The following ADAM19 variants were observed in gnomAD, a reference collection of about 807,000 sequenced individuals.
The protein encoded by ADAM19 is ADAM metallopeptidase domain 19.
Under a neutral mutation model 114.7 loss-of-function variants are expected in ADAM19, and 65 were observed. The ratio of observed to expected loss-of-function variants is 0.57; its 90% CI spans 0.46 to 0.70. The LOEUF is 0.70. Among genes scored for constraint, ADAM19 ranks in the 30% least tolerant of loss-of-function variants. The pLI, the probability that ADAM19 is intolerant of heterozygous loss-of-function variation, is 0.00. For missense variants in ADAM19, 1,063 were observed against 1,204.7 expected (o/e 0.88, Z 1.74); for synonymous variants, 466 against 460.5 (o/e 1.01, Z -0.15).
At chr5:157,563,286 G>A (rs1026326324) in intron 3 of ADAM19, among the ~76,000 whole-genome samples, 1 of 152,178 alleles carries the variant, frequency 6.6e-6, no homozygotes, top group Admixed American at 6.5e-5. Flanking sequence ...CCATGTCCTG[G>A]AGGCAGAGGA....
At chr5:157,515,010 A>G (rs1052389988) in intron 7 of ADAM19, among the ~76,000 whole-genome samples, 2 of 152,192 alleles carry the variant, frequency 1.3e-5, no homozygotes, top group East Asian at 3.8e-4. Context: ...AAGTAAAACA[A>G]CCTGGGGTAT....
intron 9 of ADAM19, among the ~76,000 whole-genome samples, chr5:157,508,154 T>C (rs1755804894): frequency 6.6e-6 from 1 of 152,228 alleles, no homozygotes; most frequent in African/African-American, 2.4e-5. Flanking sequence ...TGTTCCAAAG[T>C]TCAGGCCAAA....
In ADAM19 at chr5:157,479,939, C is replaced by T. The variant is rs1212590159; in HGVS notation, c.*1010G>A. 1.8e-5 allele frequency: 18 copies of T among 985,754 alleles called. No homozygotes were observed. Among genetic ancestry groups the T allele is most frequent in the Non-Finnish European group, 2.2e-5 (18 of 829,990 alleles). The allele number at this position is 985,754 out of a possible 1,614,324, so 61.1% of individuals were successfully genotyped here. A position where few individuals can be genotyped will look rare whatever the true frequency, so the allele number is the denominator to read the frequency against. ...CCCACCCTGCTGAGGTCACAAAACA[C>T]AATGAAAAATAAACATATGACCCCA... On this transcript the variant is annotated 3_prime_UTR_variant, in exon 23 of 23. Coordinates refer to ENST00000257527, the MANE Select transcript of ADAM19 (RefSeq NM_033274.5).
At chr5:157,515,480 C>T (rs2113734698) in intron 7 of ADAM19, among the ~76,000 whole-genome samples, 1 of 152,328 alleles carries the variant, frequency 6.6e-6, no homozygotes, top group East Asian at 1.9e-4. Context: ...GCCCCATAGT[C>T]TCTGCTACAA....
At chr5:157,513,571 T>C (rs1755998713) in intron 7 of ADAM19, 66 bp from the exon 8 acceptor site, 7 of 1,415,594 alleles carry the variant, frequency 4.9e-6, no homozygotes, top group Non-Finnish European at 7.0e-6. Flanking sequence ...CTGCGCCCCA[T>C]TACTTGTCTT....
At chr5:157,515,830 CTT>C (rs1399793675) in intron 7 of ADAM19, among the ~76,000 whole-genome samples, 2 of 152,166 alleles carry the variant, frequency 1.3e-5, no homozygotes, top group Non-Finnish European at 2.9e-5. Flanking sequence ...CCACCTTACT[CTT>C]TATCCCCACC....
At chr5:157,547,502 C>T (rs1424910598) in intron 3 of ADAM19, among the ~76,000 whole-genome samples, 1 of 152,180 alleles carries the variant, frequency 6.6e-6, no homozygotes, top group Non-Finnish European at 1.5e-5. Flanking sequence ...CTATCTTGCC[C>T]TTCTCCCTTT....
chr5:157,502,921 T>A lies in ADAM19; in HGVS notation c.1190A>T (p.Gln397Leu). Residue 397 changes from glutamine to leucine, a missense_variant, in exon 12 of 23, where the codon CAG (glutamine) becomes CTG (leucine). Gln to Leu is a moderately radical substitution (Grantham distance 113, BLOSUM62 -2). Coordinates refer to ENST00000257527, the MANE Select transcript of ADAM19 (RefSeq NM_033274.5). ...CNRRELDRYLQSGGGMCLSNM... is the reference protein window; with the variant it reads ...CNRRELDRYLLSGGGMCLSNM... ...GGAGAGACACATTCCACCACCTGAC[T>A]GCAGATACCTGTCCAGCTCCCTCCT... 6.2e-7 allele frequency: 1 copy of A among 1,614,174 alleles called. No homozygotes were observed. Among genetic ancestry groups the A allele is most frequent in the Non-Finnish European group, 8.5e-7 (1 of 1,180,032 alleles).
intron 5 of ADAM19, among the ~76,000 whole-genome samples, chr5:157,523,529 C>A (rs1276519163): frequency 2.0e-5 from 3 of 152,056 alleles, no homozygotes; most frequent in African/African-American, 7.2e-5. Flanking sequence ...AAGAGCCTGG[C>A]ACCTCCTCCC....
At position 157,552,090 on chromosome 5, in the gene ADAM19, G is replaced by T. The variant is rs185669638; in HGVS notation, c.251+12283C>A. 3.8e-3 allele frequency among the ~76,000 whole-genome samples: 586 copies of T among 152,298 alleles called. 7 individuals are homozygous for T. The highest frequency in any genetic ancestry group is 0.013 in the African/African-American group (545 of 41,568). ...CGCTTGAACCCAGAAGGCGGAGGTTGCAGTGAGCCAAGATCGCACCACTGC... is the reference window on the plus strand; with the variant it reads ...CGCTTGAACCCAGAAGGCGGAGGTTTCAGTGAGCCAAGATCGCACCACTGC... On this transcript the variant is annotated intron_variant, in intron 3 of 22. Transcript: ENST00000257527.
At chr5:157,536,994 C>T (rs1452844514) in intron 4 of ADAM19, among the ~76,000 whole-genome samples, 2 of 152,194 alleles carry the variant, frequency 1.3e-5, no homozygotes, top group East Asian at 1.9e-4. Context: ...AATGGTCATT[C>T]GAATCCAGGG....
intron 3 of ADAM19, among the ~76,000 whole-genome samples, chr5:157,563,222 G>A (rs890331255): frequency 6.6e-6 from 1 of 152,172 alleles, no homozygotes; most frequent in South Asian, 2.1e-4. Flanking sequence ...TTACTCTCAA[G>A]AGGAGAGGAA....
At chr5:157,499,526 C>G (rs11466776) in intron 13 of ADAM19, 47 bp downstream of exon 13, 1 of 1,520,512 alleles carries the variant, frequency 6.6e-7, no homozygotes, top group Admixed American at 1.7e-5. Flanking sequence ...GTCCTGTGGT[C>G]CCACTGTCAG....
At position 157,565,791 on chromosome 5, in the gene ADAM19, C is replaced by T. The variant is rs796341713; in HGVS notation, c.181-1348G>A. ...ATGGAGGCACAGGCAAAGGTTTGCA[C>T]ATAAGGACATTTATTACTTATAATA... On this transcript the variant is annotated intron_variant, in intron 2 of 22. Coordinates refer to ENST00000257527, the MANE Select transcript of ADAM19 (RefSeq NM_033274.5). 2.7e-5 allele frequency among the ~76,000 whole-genome samples: 4 copies of T among 150,644 alleles called. 1 individual carries two copies. Among genetic ancestry groups the T allele is most frequent in the African/African-American group, 9.7e-5 (4 of 41,080 alleles).
chr5:157,565,024 T>A (rs927178806), intron 2 of ADAM19, among the ~76,000 whole-genome samples: 7 of 152,154 alleles, frequency 4.6e-5, no homozygotes, highest in African/African-American at 1.7e-4. Context: ...ATTTTGGCTC[T>A]CCGTTTGGAA....
At chr5:157,495,916 G>T (rs933466020) in intron 14 of ADAM19, among the ~76,000 whole-genome samples, 2 of 149,996 alleles carry the variant, frequency 1.3e-5, no homozygotes. Flanking sequence ...TTACAGGCGT[G>T]AGCCACTGTG....
chr5:157,492,859 A>G, intron 16 of ADAM19, 114 bp downstream of exon 16: 2 of 1,106,774 alleles, frequency 1.8e-6, no homozygotes, highest in Admixed American at 1.8e-5. Context: ...GGAGCCACCA[A>G]GGCTCAGAGG....
Position 157,541,082 on chromosome 5 carries a change from G to A in ADAM19, c.252-3091C>T, listed in dbSNP as rs115435505. On this transcript the variant is annotated intron_variant, in intron 3 of 22. Transcript: ENST00000257527. ...AAGCTAGGTCCACATACGCCCATGT[G>A]TCCAGGTGCTGCTCTCAGAACCAAA... 4.9e-3 allele frequency among the ~76,000 whole-genome samples: 752 copies of A among 152,232 alleles called. 4 individuals carry two copies. Among genetic ancestry groups the A allele is most frequent in the African/African-American group, 0.017 (722 of 41,518 alleles).
chr5:157,524,189 C>T (rs1238630778), intron 5 of ADAM19, among the ~76,000 whole-genome samples: 1 of 152,230 alleles, frequency 6.6e-6, no homozygotes, highest in Non-Finnish European at 1.5e-5. Flanking sequence ...CTCTTCCAAG[C>T]ACCACCAGTT....
Sources: gnomAD v4.1 joint callset for allele counts (sites outside exome capture counted in the v4.1 genomes callset) on GRCh38, gnomAD v4.1.1 for gene constraint, MANE v1.5 for transcripts, NCBI Gene and HGNC (gene_info 2026-07-23, HGNC 2026-07-21) for gene names.